LAD1: variants seen among roughly 807,000 people sequenced by gnomAD.
The protein encoded by LAD1 is ladinin 1.
In LAD1, 53 loss-of-function variants were observed where a neutral mutation model predicts 54.2. The observed-to-expected ratio is 0.98, with a 90% CI of 0.78 to 1.23. The LOEUF is 1.23. LAD1 is among the 50% of genes most tolerant of loss of function. LAD1 has a pLI of 0.00. For synonymous variants in LAD1, 231 were observed against 257.7 expected (o/e 0.90, Z 0.99); for missense variants, 637 against 653.3 (o/e 0.98, Z 0.27).
chr1:201,382,908 G>T, intron 7 of LAD1, 166 bp downstream of exon 7: 1 of 1,026,680 alleles, frequency 9.7e-7, no homozygotes, highest in Non-Finnish European at 1.4e-6. Context: ...TGTGTGCCCA[G>T]CTAAGGAGAT....
At chr1:201,395,516 G>A (rs1002495742) in intron 1 of LAD1, among the ~76,000 whole-genome samples, 1 of 152,182 alleles carries the variant, frequency 6.6e-6, no homozygotes, top group Non-Finnish European at 1.5e-5. Context: ...CACTTTGGGA[G>A]GCCAAGGCGG....
chr1:201,384,236 G>T (rs889630670), intron 5 of LAD1, among the ~76,000 whole-genome samples: 4 of 152,018 alleles, frequency 2.6e-5, no homozygotes, highest in African/African-American at 4.8e-5. Flanking sequence ...GCCTAGTGTA[G>T]TAGGCTCCAG....
chr1:201,383,514 A>G (rs112090790), intron 5 of LAD1, 125 bp from the exon 6 acceptor site: 23,286 of 884,518 alleles, frequency 0.026, 452 homozygotes, highest in African/African-American at 0.069. Context: ...GTGGCCCTCC[A>G]TCACACAGCA....
In LAD1 at chr1:201,381,952, G is replaced by C. The variant is rs139280328; in HGVS notation, c.1549-59C>G. 438 of 1,574,898 alleles carry C rather than the reference G, an allele frequency of 2.8e-4. No homozygotes were observed. In the African/African-American group the frequency reaches 5.4e-3, roughly 20 times the overall value. The stretch of plus-strand genomic sequence containing the variant: ...GGGGTGTCAGGGATGGAAGGGGAAG[G>C]GGGCCACTGGATAGGAAGGCATCCC... On this transcript the variant is annotated intron_variant, in intron 9 of 9. Transcript: ENST00000391967.
In LAD1 at chr1:201,389,372, A is replaced by C. The variant is rs1662158459; in HGVS notation, c.39-69T>G. On this transcript the variant is annotated intron_variant, in intron 1 of 9. Coordinates refer to ENST00000391967, the MANE Select transcript of LAD1 (RefSeq NM_005558.4). ...GGACCCTCCCGAGGCAGGCTCCTCT[A>C]GGGCTGGGAGAAGAGACCAAATGCC... The C allele has an allele frequency of 1.2e-5, 18 of 1,548,226 alleles. 1 individual carries two copies. The highest frequency in any genetic ancestry group is 2.3e-4 in the Middle Eastern group (1 of 4,276).
intron 7 of LAD1, 137 bp downstream of exon 7, chr1:201,382,937 G>A (rs1661992375): frequency 7.0e-6 from 8 of 1,148,380 alleles, no homozygotes; most frequent in Non-Finnish European, 9.9e-6. Flanking sequence ...GAACGTGAAT[G>A]GGAACTCAAA....
In LAD1 at chr1:201,383,163, C is replaced by T. The variant is rs116931058; in HGVS notation, c.1297G>A (p.Val433Met). 5.5e-4 allele frequency: 894 copies of T among 1,614,038 alleles called. 10 individuals are homozygous for T. The East Asian group carries it at 0.017, about 31-fold the overall frequency. The change falls in exon 7 of 10, where the codon GTG (valine) becomes ATG (methionine). Residue 433 changes from valine to methionine, a missense_variant. Physicochemically the swap from Val to Met is conservative, Grantham distance 21. Coordinates refer to ENST00000391967, the MANE Select transcript of LAD1 (RefSeq NM_005558.4). ...TTGCTGGCTACACCCACAGGAGCCA[C>T]GAATAACTCAGTGCAAGGCAGACCC... ...SRGLPCTELF[V>M]APVGVASKRH...
At chr1:201,382,142 G>C in intron 9 of LAD1, 110 bp downstream of exon 9, 1 of 988,832 alleles carries the variant, frequency 1.0e-6, no homozygotes, top group Non-Finnish European at 1.6e-6. Context: ...GGCGTTCTGG[G>C]TGGACTGCGC....
Position 201,386,902 on chromosome 1 carries a change from G to A in LAD1, c.459C>T (p.Pro153=), listed in dbSNP as rs1485771336. The change falls in exon 3 of 10, where the codon CCC becomes CCT. Residue 153 remains proline, a synonymous_variant. Coordinates refer to ENST00000391967, the MANE Select transcript of LAD1 (RefSeq NM_005558.4). ...RRRLSREQRG[P]WALEEESLVG... Reference sequence around the variant, plus strand: ...CCAAGCTCTCCTCCTCCAGGGCCCAGGGGCCCCGCTGTTCCCGACTCAGTC... The same window carrying A: ...CCAAGCTCTCCTCCTCCAGGGCCCAAGGGCCCCGCTGTTCCCGACTCAGTC... The A allele has an allele frequency of 1.2e-6, 2 of 1,613,806 alleles. No homozygotes were observed. Among genetic ancestry groups the A allele is most frequent in the Admixed American group, 1.7e-5 (1 of 59,986 alleles).
intron 1 of LAD1, among the ~76,000 whole-genome samples, chr1:201,395,749 ACT>A (rs896618720): frequency 1.3e-5 from 2 of 152,094 alleles, no homozygotes; most frequent in East Asian, 1.9e-4. Context: ...ACAGAGTGAG[ACT>A]CTGTCCATCT....
intron 1 of LAD1, among the ~76,000 whole-genome samples, chr1:201,398,586 C>T (rs1662342270): frequency 6.6e-6 from 1 of 152,172 alleles, no homozygotes; most frequent in Non-Finnish European, 1.5e-5. Flanking sequence ...CCCGCCTTCC[C>T]CAGGCCTCTC....
At position 201,383,065 on chromosome 1, in the gene LAD1, G is replaced by A. The variant is rs751880388; in HGVS notation, c.1386+9C>T. 6.2e-7 allele frequency: 1 copy of A among 1,610,462 alleles called. No individual in the cohort carries two copies. Among genetic ancestry groups the A allele is most frequent in the South Asian group, 1.1e-5 (1 of 90,988 alleles). ...ACCCTAAGGACCCTGTGGGGCCTGA[G>A]CCCCTCACCTTCCGGCTGGAGGCTG... On this transcript the variant is annotated intron_variant, in intron 7 of 9. Transcript: ENST00000391967.
Position 201,394,533 on chromosome 1 carries a change from C to T in LAD1, c.38+4736G>A, listed in dbSNP as rs150477609. On this transcript the variant is annotated intron_variant, in intron 1 of 9. Coordinates refer to ENST00000391967, the MANE Select transcript of LAD1 (RefSeq NM_005558.4). ...GAACTTAAACAAGATTCCCCTGGGCCTCTGCATGACTGCTGTGAGCTCTGG... is the reference window on the plus strand; with the variant it reads ...GAACTTAAACAAGATTCCCCTGGGCTTCTGCATGACTGCTGTGAGCTCTGG... Among the ~76,000 whole-genome samples, 1,037 of 152,328 alleles carry T rather than the reference C, an allele frequency of 6.8e-3. 19 individuals are homozygous for T. The highest frequency in any genetic ancestry group is 0.024 in the African/African-American group (990 of 41,578).
chr1:201,383,438 G>C, intron 5 of LAD1, 49 bp from the exon 6 acceptor site: 1 of 1,563,076 alleles, frequency 6.4e-7, no homozygotes, highest in Non-Finnish European at 8.8e-7. Flanking sequence ...CACCCAGGGA[G>C]ACCAGGCCTG....
chr1:201,389,153 C>T lies in LAD1; in HGVS notation c.182+7G>A. ...CCATCCATCAGGATAGAAACCTGAGCACCTACCTCTCAGAAGCAGAGGCCT... is the reference window on the plus strand; with the variant it reads ...CCATCCATCAGGATAGAAACCTGAGTACCTACCTCTCAGAAGCAGAGGCCT... On this transcript the variant is annotated splice_region_variant and intron_variant, in intron 2 of 9. Transcript: ENST00000391967. 1.2e-6 allele frequency: 2 copies of T among 1,613,264 alleles called. No individual in the cohort carries two copies. The highest frequency in any genetic ancestry group is 2.2e-5 in the South Asian group (2 of 90,944).
chr1:201,388,237 A>G (rs1362334531), intron 2 of LAD1, among the ~76,000 whole-genome samples: 1 of 152,190 alleles, frequency 6.6e-6, no homozygotes, highest in Non-Finnish European at 1.5e-5. Flanking sequence ...CTAAAAATAC[A>G]AAAATTATCC....
rs112179009 is a variant in LAD1, at chr1:201,386,918, C to T, written c.443G>A (p.Arg148Gln). Residue 148 changes from arginine to glutamine, a missense_variant, in exon 3 of 10, where the codon CGG becomes CAG. By Grantham distance (43) the Arg-to-Gln change is conservative (BLOSUM62 1). Coordinates refer to ENST00000391967, the MANE Select transcript of LAD1 (RefSeq NM_005558.4). ...LEIPPRRRLS[R>Q]EQRGPWALEE... ...CAGGGCCCAGGGGCCCCGCTGTTCC[C>T]GACTCAGTCTCCGGCGAGGTGGGAT... is the stretch of plus-strand genomic sequence containing the variant. 2.9e-5 allele frequency: 47 copies of T among 1,613,576 alleles called. No homozygotes were observed. The African/African-American group carries it at 4.5e-4, about 16-fold the overall frequency.
Position 201,385,683 on chromosome 1 carries a change from G to A in LAD1, c.1131+18C>T. ...TGCCCTCCAGTGGCTCGCAGACCAG[G>A]GTGCCCAGGGCTCTCACCCGAAAGG... On this transcript the variant is annotated intron_variant, in intron 4 of 9. Coordinates refer to ENST00000391967, the MANE Select transcript of LAD1 (RefSeq NM_005558.4). The A allele has an allele frequency of 6.3e-7, 1 of 1,583,172 alleles. No individual in the cohort carries two copies. Among genetic ancestry groups the A allele is most frequent in the South Asian group, 1.1e-5 (1 of 90,460 alleles).
At chr1:201,390,953 T>C (rs1662187883) in intron 1 of LAD1, 1 of 364,502 alleles carries the variant, frequency 2.7e-6, no homozygotes, top group Non-Finnish European at 5.4e-6. Context: ...TGCCTTTCTC[T>C]TTTTGGTCCT....
Sources: gnomAD v4.1 joint callset for allele counts (sites outside exome capture counted in the v4.1 genomes callset) on GRCh38, gnomAD v4.1.1 for gene constraint, MANE v1.5 for transcripts, NCBI Gene and HGNC (gene_info 2026-07-23, HGNC 2026-07-21) for gene names.